Variants in ADNP observed in about 807,000 individuals in gnomAD.
ADNP encodes the protein activity dependent neuroprotector homeobox.
Under a neutral mutation model 84.9 loss-of-function variants are expected in ADNP, and 4 were observed. The observed-to-expected ratio is 0.05, with a 90% CI of 0.02 to 0.11. ADNP has a LOEUF of 0.11. Among genes scored for constraint, ADNP ranks in the 10% least tolerant of loss-of-function variants. The probability of loss-of-function intolerance (pLI) is 1.00; values close to 1 mark genes in which losing one functional copy is unlikely to be tolerated. For synonymous variants in ADNP, 554 were observed against 468.1 expected, an observed-to-expected ratio of 1.18 and a Z score of -2.37; for missense variants, 1,132 against 1,326.0, an observed-to-expected ratio of 0.85 and a Z score of 2.27.
intron 2 of ADNP, among the ~76,000 whole-genome samples, chr20:50,908,147 GTTTTTTTTTTT>G (rs142605027): frequency 1.9e-5 from 2 of 105,918 alleles, no homozygotes; most frequent in Non-Finnish European, 3.8e-5. Context: ...AGATTTTTCT[GTTTTTTTTTTT>G]TTTTTTTTTG....
rs1322109642 is a variant in ADNP at position 50,891,101 on chromosome 20, C to T, written c.*304G>A. ...CAAAGACATCTGACCAATCATTTCA[C>T]AGAGGGAAAGAAATGTTGAAAAGGC... On this transcript the variant is annotated 3_prime_UTR_variant, in exon 6 of 6. Transcript: ENST00000621696. 8.6e-7 allele frequency: 1 copy of T among 1,156,368 alleles called. No individual in the cohort carries two copies. Among genetic ancestry groups the T allele is most frequent in the East Asian group, 4.7e-5 (1 of 21,434 alleles). The allele number at this position is 1,156,368 out of a possible 1,614,324, so 71.6% of individuals were successfully genotyped here.
At chr20:50,926,242 CCT>C (rs1984284132) in intron 2 of ADNP, among the ~76,000 whole-genome samples, 1 of 152,162 alleles carries the variant, frequency 6.6e-6, no homozygotes, top group South Asian at 2.1e-4. Flanking sequence ...AATGTACATG[CCT>C]CTCAGTCAAG....
At chr20:50,908,372 A>T (rs944984751) in intron 2 of ADNP, among the ~76,000 whole-genome samples, 1 of 152,138 alleles carries the variant, frequency 6.6e-6, no homozygotes, top group African/African-American at 2.4e-5. Context: ...CTATCAGTCA[A>T]TCATTATGGG....
At chr20:50,899,949 G>A (rs1981803209) in intron 5 of ADNP, among the ~76,000 whole-genome samples, 1 of 151,494 alleles carries the variant, frequency 6.6e-6, no homozygotes, top group South Asian at 2.1e-4. Context: ...TGTGGAAGGG[G>A]ACCCGGGCAG....
chr20:50,915,799 A>G (rs74983797), intron 2 of ADNP, among the ~76,000 whole-genome samples: 2,227 of 152,328 alleles, frequency 0.015, 56 homozygotes, highest in African/African-American at 0.05. Context: ...AAGGGGGGTG[A>G]GGGAATTAGA....
At chr20:50,930,020 CA>C (rs1201793091) in intron 1 of ADNP, among the ~76,000 whole-genome samples, 1 of 151,772 alleles carries the variant, frequency 6.6e-6, no homozygotes, top group Non-Finnish European at 1.5e-5. Context: ...GCGCCTTTTC[CA>C]GCAGACAGGG....
intron 2 of ADNP, among the ~76,000 whole-genome samples, chr20:50,907,228 T>A (rs527850821): frequency 2.6e-4 from 40 of 151,624 alleles, no homozygotes; most frequent in Non-Finnish European, 4.6e-4. Context: ...TCCGCCCATC[T>A]CAGCCTCCCA....
chr20:50,913,912 G>A (rs555743347), intron 2 of ADNP: 49 of 649,460 alleles, frequency 7.5e-5, no homozygotes, highest in Admixed American at 2.9e-4. Flanking sequence ...TTTCAACTTG[G>A]AGTGCCAGTG....
chr20:50,892,085 C>T lies in ADNP; in HGVS notation c.2629G>A (p.Asp877Asn). 3.1e-6 allele frequency: 5 copies of T among 1,614,172 alleles called. No homozygotes were observed. In the South Asian group the frequency reaches 5.5e-5, roughly 18 times the overall value. The stretch of plus-strand genomic sequence containing the variant: ...TCTTCTTCCAAATTTTCAAAACTGT[C>T]TGAGGAACTGTCATCTTCCTTCCCA... ...NLGKEDDSSSDSFENLEEESN... is the reference protein window; with the variant it reads ...NLGKEDDSSSNSFENLEEESN... The change falls in exon 6 of 6, where the codon GAC becomes AAC. Residue 877 changes from aspartate to asparagine, a missense_variant. Asp to Asn is a conservative substitution (Grantham distance 23). Transcript: ENST00000621696.
intron 2 of ADNP, chr20:50,914,316 CAT>C: frequency 1.5e-6 from 1 of 686,534 alleles, no homozygotes; most frequent in Non-Finnish European, 2.7e-6. Context: ...GCAATATTTA[CAT>C]AGAGAATAAA....
intron 4 of ADNP, among the ~76,000 whole-genome samples, chr20:50,903,272 T>C (rs778185933): frequency 1.3e-5 from 2 of 152,122 alleles, no homozygotes; most frequent in African/African-American, 2.4e-5. Context: ...TGCATGGCTA[T>C]CCCACAGAGC....
At chr20:50,930,681 G>A (rs1385975575) in intron 1 of ADNP, 145 bp downstream of exon 1, 1 of 152,350 alleles carries the variant, frequency 6.6e-6, no homozygotes, top group Non-Finnish European at 1.5e-5. Context: ...GTGTGCAAAG[G>A]AGCGTGTGTG....
At chr20:50,910,802 G>A (rs570980117) in intron 2 of ADNP, among the ~76,000 whole-genome samples, 3 of 152,190 alleles carry the variant, frequency 2.0e-5, no homozygotes, top group Non-Finnish European at 2.9e-5. Flanking sequence ...CTAGAGGTAT[G>A]CGCCACCACA....
At chr20:50,917,531 A>G (rs980101514) in intron 2 of ADNP, among the ~76,000 whole-genome samples, 1 of 152,236 alleles carries the variant, frequency 6.6e-6, no homozygotes, top group Non-Finnish European at 1.5e-5. Context: ...AAACAGATGT[A>G]TCCTATGTCT....
In ADNP at chr20:50,891,458, C is replaced by A; in HGVS notation, c.3256G>T (p.Glu1086Ter). ...QFDNMTDGVA[E>*]PMHGSLAGVK... ...CCGGCTAAGCTGCCATGCATGGGCT[C>A]AGCTACTCCATCAGTCATGTTGTCA... Residue 1086 changes from glutamate to a stop codon, truncating the protein, a stop_gained, in exon 6 of 6, where the codon GAG becomes TAG. Transcript: ENST00000621696. LOFTEE classifies it high-confidence loss of function. 1.2e-6 allele frequency: 2 copies of A among 1,612,740 alleles called. No individual in the cohort carries two copies. The highest frequency in any genetic ancestry group is 1.7e-6 in the Non-Finnish European group (2 of 1,179,946).
intron 2 of ADNP, among the ~76,000 whole-genome samples, chr20:50,928,281 G>A (rs1414830193): frequency 6.6e-6 from 1 of 152,102 alleles, no homozygotes; most frequent in East Asian, 1.9e-4. Flanking sequence ...GTCAATCTTT[G>A]GTAGCAAGAA....
At chr20:50,895,133 G>A (rs563406134) in intron 5 of ADNP, among the ~76,000 whole-genome samples, 2 of 152,160 alleles carry the variant, frequency 1.3e-5, no homozygotes, top group Non-Finnish European at 2.9e-5. Flanking sequence ...AATGAAGGAA[G>A]TTACTAAAGA....
chr20:50,889,751 G>C lies in ADNP; in HGVS notation c.*1654C>G, dbSNP rs1198216634. On this transcript the variant is annotated 3_prime_UTR_variant, in exon 6 of 6. Transcript: ENST00000621696. ...AATGTTGGCCTAATTCTGCTTCCTT[G>C]TAACTTTCTGCTTTTTAGTACAAGT... 2.5e-6 allele frequency: 1 copy of C among 396,236 alleles called. No homozygotes were observed. The allele number at this position is 396,236 out of a possible 1,614,324, so 24.5% of individuals were successfully genotyped here.
intron 5 of ADNP, among the ~76,000 whole-genome samples, chr20:50,894,885 G>C (rs747562971): frequency 6.6e-6 from 1 of 151,870 alleles, no homozygotes; most frequent in Non-Finnish European, 1.5e-5. Context: ...CGACAAGAGC[G>C]AAACTGTCTC....
Sources: gnomAD v4.1 joint callset for allele counts (sites outside exome capture counted in the v4.1 genomes callset) on GRCh38, gnomAD v4.1.1 for gene constraint, MANE v1.5 for transcripts, NCBI Gene and HGNC (gene_info 2026-07-23, HGNC 2026-07-21) for gene names.